The following FRAS1 variants were observed in gnomAD, a reference collection of about 807,000 sequenced individuals.
The protein encoded by FRAS1 is extracellular matrix organizing protein FRAS1.
FRAS1 carries 290 observed loss-of-function variants against 435.2 expected under a neutral mutation model. That is an observed-to-expected ratio of 0.67 (90% CI 0.61 to 0.73). The LOEUF (loss-of-function observed/expected upper bound fraction) is 0.73, where lower values mean the gene tolerates loss of function less well. Among genes scored for constraint, FRAS1 ranks in the 30% least tolerant of loss-of-function variants. The pLI is 0.00. For synonymous variants in FRAS1, 1,800 were observed against 1,851.0 expected (o/e 0.97, Z 0.71); for missense variants, 4,860 against 5,001.5 (o/e 0.97, Z 0.85).
At chr4:78,538,290 AGATAT>A (rs1721942611) in intron 72 of FRAS1, among the ~76,000 whole-genome samples, 1 of 152,246 alleles carries the variant, frequency 6.6e-6, no homozygotes, top group Non-Finnish European at 1.5e-5. Context: ...AAATGTCGAT[AGATAT>A]AAGTCACATA....
chr4:78,313,410 C>G (rs1729112244), intron 15 of FRAS1, among the ~76,000 whole-genome samples: 1 of 152,204 alleles, frequency 6.6e-6, no homozygotes, highest in African/African-American at 2.4e-5. Context: ...AAATATTTTT[C>G]AGGAGGTTAG....
At chr4:78,219,119 T>G (rs1346727194) in intron 2 of FRAS1, among the ~76,000 whole-genome samples, 2 of 152,208 alleles carry the variant, frequency 1.3e-5, no homozygotes, top group African/African-American at 2.4e-5. Context: ...TTTTATTTTT[T>G]CATGCTATAA....
chr4:78,345,825 A>G (rs2110277519), intron 20 of FRAS1, among the ~76,000 whole-genome samples: 1 of 152,038 alleles, frequency 6.6e-6, no homozygotes, highest in Non-Finnish European at 1.5e-5. Flanking sequence ...TTTAGGAAAA[A>G]AGAACATGAC....
intron 22 of FRAS1, among the ~76,000 whole-genome samples, chr4:78,368,336 T>G (rs972946314): frequency 1.4e-5 from 2 of 144,816 alleles, no homozygotes; most frequent in African/African-American, 5.2e-5. Flanking sequence ...ATAGCATTCT[T>G]TTTTTTTTTC....
At chr4:78,439,737 C>G (rs1054121050) in intron 40 of FRAS1, among the ~76,000 whole-genome samples, 1 of 152,086 alleles carries the variant, frequency 6.6e-6, no homozygotes, top group Non-Finnish European at 1.5e-5. Flanking sequence ...CTCAAGCAAT[C>G]CTCCCCGCTC....
At chr4:78,185,231 T>A (rs879739119) in intron 2 of FRAS1, among the ~76,000 whole-genome samples, 11 of 152,194 alleles carry the variant, frequency 7.2e-5, no homozygotes, top group Admixed American at 3.9e-4. Flanking sequence ...AGGCACTTTG[T>A]GAGTGTGATT....
chr4:78,145,964 A>G (rs1295184947), intron 2 of FRAS1, among the ~76,000 whole-genome samples: 1 of 152,078 alleles, frequency 6.6e-6, no homozygotes, highest in Non-Finnish European at 1.5e-5. Context: ...CTTCCGCCAT[A>G]ATTGTTAAGT....
At chr4:78,068,285 C>A (rs539401245) in intron 2 of FRAS1, among the ~76,000 whole-genome samples, 30 of 152,092 alleles carry the variant, frequency 2.0e-4, no homozygotes, top group African/African-American at 7.0e-4. Flanking sequence ...ATGAAGGTGG[C>A]TACTTTAGAT....
Position 78,465,253 on chromosome 4 carries a change from C to T in FRAS1, c.7029+670C>T, listed in dbSNP as rs79176339. 8.5e-5 allele frequency among the ~76,000 whole-genome samples: 13 copies of T among 152,200 alleles called. No individual in the cohort carries two copies. In the East Asian group the frequency reaches 1.7e-3, roughly 20 times the overall value. ...AGGTTCTAGGCTCTGCTGTAGATGCCGAAGACAGGGCTGTAACAAAACAGA... is the reference window on the plus strand; with the variant it reads ...AGGTTCTAGGCTCTGCTGTAGATGCTGAAGACAGGGCTGTAACAAAACAGA... On this transcript the variant is annotated intron_variant, in intron 49 of 73. Transcript: ENST00000512123.
At chr4:78,122,828 C>T (rs541580016) in intron 2 of FRAS1, among the ~76,000 whole-genome samples, 2 of 151,860 alleles carry the variant, frequency 1.3e-5, no homozygotes, top group Admixed American at 6.6e-5. Context: ...GAGTTGTTTG[C>T]TTTTTTCTTG....
At chr4:78,134,371 T>C (rs1719833291) in intron 2 of FRAS1, among the ~76,000 whole-genome samples, 1 of 152,158 alleles carries the variant, frequency 6.6e-6, no homozygotes, top group Admixed American at 6.5e-5. Flanking sequence ...CAAGTTTATT[T>C]TCCTGTCACT....
intron 3 of FRAS1, among the ~76,000 whole-genome samples, chr4:78,238,648 G>A (rs751288716): frequency 4.6e-5 from 7 of 152,026 alleles, no homozygotes; most frequent in Non-Finnish European, 1.0e-4. Flanking sequence ...TGTATATTAT[G>A]GAGCTTTATG....
chr4:78,388,397 A>G (rs1259944890), intron 29 of FRAS1, among the ~76,000 whole-genome samples: 1 of 152,068 alleles, frequency 6.6e-6, no homozygotes, highest in African/African-American at 2.4e-5. Flanking sequence ...GATAATCTGA[A>G]TGACTCAAAA....
chr4:78,379,521 C>G (rs1317492651), intron 26 of FRAS1: 2 of 555,668 alleles, frequency 3.6e-6, no homozygotes, highest in Non-Finnish European at 3.1e-6. Flanking sequence ...CTAGAGCGAG[C>G]TGACGGTTGT....
intron 33 of FRAS1, among the ~76,000 whole-genome samples, chr4:78,419,681 A>G (rs890627238): frequency 2.6e-5 from 4 of 152,202 alleles, no homozygotes; most frequent in African/African-American, 9.7e-5. Context: ...GTATAAAGAA[A>G]TAGCTGAAAC....
At chr4:78,194,846 C>CTCTGATTTTTACGGTTTTCTGTTTT (rs1722727380) in intron 2 of FRAS1, among the ~76,000 whole-genome samples, 1 of 152,180 alleles carries the variant, frequency 6.6e-6, no homozygotes, top group Non-Finnish European at 1.5e-5. Context: ...AGGAGAGACA[C>CTCTGATTTTTACGGTTTTCTGTTTT]TCTGATTTTT....
intron 7 of FRAS1, 144 bp from the exon 8 acceptor site, chr4:78,266,690 C>A (rs1726374983): frequency 6.0e-6 from 4 of 663,036 alleles, no homozygotes; most frequent in Admixed American, 2.5e-5. Context: ...CTATTCCTAT[C>A]TAAATGTTTT....
chr4:78,475,597 T>C lies in FRAS1; in HGVS notation c.7842T>C (p.Tyr2614=), dbSNP rs746456111. 1.9e-6 allele frequency: 3 copies of C among 1,580,050 alleles called. No individual in the cohort carries two copies. The highest frequency in any genetic ancestry group is 3.4e-5 in the Admixed American group (2 of 58,596). The change falls in exon 54 of 74, where the codon TAT becomes TAC. Residue 2614 remains tyrosine (Y), a synonymous_variant. Coordinates refer to ENST00000512123, the MANE Select transcript of FRAS1 (RefSeq NM_025074.7). ...CTGGGCAACAGGACTATGTAGAGTA[T>C]GCTGGCCAGGTAGGTGGGGTAGTGG... ...SQPGQQDYVE[Y]AGQVQFDERE...
chr4:78,230,073 A>G (rs1253726024), intron 2 of FRAS1, among the ~76,000 whole-genome samples: 3 of 152,166 alleles, frequency 2.0e-5, no homozygotes, highest in African/African-American at 7.2e-5. Context: ...TTCATCTGTG[A>G]TTCATGCTGT....
Sources: allele counts gnomAD v4.1 joint callset (sites outside exome capture counted in the v4.1 genomes callset), GRCh38; gene constraint gnomAD v4.1.1; transcripts MANE v1.5; gene names NCBI Gene and HGNC (gene_info 2026-07-23, HGNC 2026-07-21).